Variants in MYO7B observed in about 807,000 individuals in gnomAD.
The protein encoded by MYO7B is myosin VIIB.
In MYO7B, 212 loss-of-function variants were observed where a neutral mutation model predicts 259.7. That is an observed-to-expected ratio of 0.82 (90% CI 0.73 to 0.91). The LOEUF is 0.91. Ranked by LOEUF, MYO7B falls within the 40% of genes least tolerant of loss-of-function variation. The pLI, the probability that MYO7B is intolerant of heterozygous loss-of-function variation, is 0.00. For missense variants in MYO7B, 2,732 were observed against 2,813.5 expected (o/e 0.97, Z 0.66); for synonymous variants, 1,197 against 1,166.4 (o/e 1.03, Z -0.54).
Position 127,635,830 on chromosome 2 carries a change from G to A in MYO7B, c.5929G>A (p.Ala1977Thr), listed in dbSNP as rs1192553238. 2 of 1,585,910 alleles carry A rather than the reference G, an allele frequency of 1.3e-6. No individual in the cohort carries two copies. Among genetic ancestry groups the A allele is most frequent in the East Asian group, 2.3e-5 (1 of 43,070 alleles). The stretch of plus-strand genomic sequence containing the variant: ...GTTCAACAACGACCGGTCCCAGCTG[G>A]CTAGTGTCCCCAAGATCCTGAGGGA... ...AQFNNDRSQLASVPKILRELV... is the reference protein window; with the variant it reads ...AQFNNDRSQLTSVPKILRELV... Residue 1977 changes from alanine (A) to threonine (T), a missense_variant, in exon 44 of 48, where the codon GCT (alanine) becomes ACT (threonine). Coordinates refer to ENST00000409816, the MANE Select transcript of MYO7B (RefSeq NM_001393586.1).
rs550800611 is a variant in MYO7B, at chr2:127,600,791, A to T, written c.2339+4235A>T. Among the ~76,000 whole-genome samples the T allele has an allele frequency of 5.9e-5, 9 of 152,230 alleles. No individual in the cohort carries two copies. In the South Asian group the frequency reaches 1.9e-3, roughly 32 times the overall value. ...GCTTTAGTTTCATTACTTCTTCTCT[A>T]ATTTTTTATTTTTAATTTCCTTAAT... On this transcript the variant is annotated intron_variant, in intron 19 of 47. Coordinates refer to ENST00000409816, the MANE Select transcript of MYO7B (RefSeq NM_001393586.1).
At position 127,609,773 on chromosome 2, in the gene MYO7B, C is replaced by T; in HGVS notation, c.3024+58C>T. Reference sequence around the variant, plus strand: ...GCCAGCCCCGAGCCTGGGGTGTGAGCTATGGCTCGGGGAAAGAAGGAAGGG... The same window carrying T: ...GCCAGCCCCGAGCCTGGGGTGTGAGTTATGGCTCGGGGAAAGAAGGAAGGG... On this transcript the variant is annotated intron_variant, in intron 23 of 47. Coordinates refer to ENST00000409816, the MANE Select transcript of MYO7B (RefSeq NM_001393586.1). The surrounding 1 kb of genome is among the most constrained non-coding windows in gnomAD (Gnocchi z 6.9). The T allele has an allele frequency of 6.2e-7, 1 of 1,611,536 alleles. No individual in the cohort carries two copies. Among genetic ancestry groups the T allele is most frequent in the Non-Finnish European group, 8.5e-7 (1 of 1,177,934 alleles).
chr2:127,569,420 C>T (rs952240211), intron 5 of MYO7B, among the ~76,000 whole-genome samples: 3 of 152,080 alleles, frequency 2.0e-5, no homozygotes, highest in African/African-American at 7.2e-5. Context: ...GTGACCTGGG[C>T]ATCTGCATTC....
chr2:127,588,255 G>A (rs1679378947), intron 14 of MYO7B, 137 bp from the exon 15 acceptor site: 1 of 952,824 alleles, frequency 1.0e-6, no homozygotes, highest in Non-Finnish European at 1.6e-6. Context: ...GAGGGGTGGA[G>A]AGCATGGCCG....
At position 127,597,165 on chromosome 2, in the gene MYO7B, G is replaced by A. The variant is rs1479949073; in HGVS notation, c.2339+609G>A. ...CAGCTGTGCTGCTGGGAAGCCGGAGGCCATCTCAGGGCCAGACCCTGGTGC... is the reference window on the plus strand; with the variant it reads ...CAGCTGTGCTGCTGGGAAGCCGGAGACCATCTCAGGGCCAGACCCTGGTGC... On this transcript the variant is annotated intron_variant, in intron 19 of 47. Coordinates refer to ENST00000409816, the MANE Select transcript of MYO7B (RefSeq NM_001393586.1). This position sits in a 1 kb window ranked among gnomAD's most constrained non-coding sequence, Gnocchi z 4.8. 3.9e-5 allele frequency among the ~76,000 whole-genome samples: 6 copies of A among 152,246 alleles called. No homozygotes were observed. The highest frequency in any genetic ancestry group is 8.8e-5 in the Non-Finnish European group (6 of 68,042).
chr2:127,603,884 A>G (rs1442430393), intron 19 of MYO7B, among the ~76,000 whole-genome samples: 2 of 152,230 alleles, frequency 1.3e-5, no homozygotes, highest in Non-Finnish European at 2.9e-5. Flanking sequence ...CTGTAATCCC[A>G]GCACTTTGGG....
rs1042636859 is a variant in MYO7B at position 127,615,069 on chromosome 2, T to C, written c.3398+2466T>C. ...GGCTCTGTCCTGGAGGAGCTCACCC[T>C]TTAGCTGGGGGGCACGAGAGGACCA... On this transcript the variant is annotated intron_variant, in intron 26 of 47. Transcript: ENST00000409816. This position sits in a 1 kb window ranked among gnomAD's most constrained non-coding sequence, Gnocchi z 4.4. Among the ~76,000 whole-genome samples the C allele has an allele frequency of 6.6e-6, 1 of 152,118 alleles. No individual in the cohort carries two copies. The highest frequency in any genetic ancestry group is 2.4e-5 in the African/African-American group (1 of 41,436).
intron 15 of MYO7B, among the ~76,000 whole-genome samples, chr2:127,589,342 G>A (rs375033071): frequency 4.0e-4 from 60 of 150,386 alleles, no homozygotes; most frequent in African/African-American, 1.5e-3. Flanking sequence ...TGGGTGAGTG[G>A]ATGGATGGAT....
In MYO7B at chr2:127,590,044, AG is replaced by A. The variant is rs1361636632; in HGVS notation, c.1855-46del. On this transcript the variant is annotated intron_variant, in intron 15 of 47. Coordinates refer to ENST00000409816, the MANE Select transcript of MYO7B (RefSeq NM_001393586.1). This position sits in a 1 kb window ranked among gnomAD's most constrained non-coding sequence, Gnocchi z 4.6. ...GCTGGCCTACAGGGTCAGCTGTCCCAGGACATGGCTCCTGAGACCCACTTGT... is the reference window on the plus strand; with the variant it reads ...GCTGGCCTACAGGGTCAGCTGTCCCAGACATGGCTCCTGAGACCCACTTGT... 1 of 1,548,736 alleles carries A rather than the reference AG, an allele frequency of 6.5e-7. No homozygotes were observed. Among genetic ancestry groups the A allele is most frequent in the Admixed American group, 2.0e-5 (1 of 51,132 alleles).
chr2:127,568,531 T>C (rs1297238659), intron 5 of MYO7B, among the ~76,000 whole-genome samples: 1 of 152,212 alleles, frequency 6.6e-6, no homozygotes, highest in Non-Finnish European at 1.5e-5. Context: ...CAGCTATCAC[T>C]GGAGGTTTGT....
intron 1 of MYO7B, among the ~76,000 whole-genome samples, chr2:127,541,575 A>G (rs1488989635): frequency 6.6e-6 from 1 of 152,208 alleles, no homozygotes; most frequent in Non-Finnish European, 1.5e-5. Context: ...TAGAAGCTAA[A>G]TAGGCCGACA....
In MYO7B at chr2:127,592,931, C is replaced by A. The variant is rs756866229; in HGVS notation, c.2130C>A (p.Asn710Lys). ...FSQRFGVLLPNAMRMQLQGKL... is the reference protein window; with the variant it reads ...FSQRFGVLLPKAMRMQLQGKL... ...AGAGGTTCGGCGTGTTGCTGCCCAA[C>A]GCCATGCGGATGCAGGTCAGCGCCC... is the stretch of plus-strand genomic sequence containing the variant. The change falls in exon 17 of 48, where the codon AAC (asparagine) becomes AAA (lysine). Residue 710 changes from asparagine to lysine, a missense_variant. Physicochemically the swap from Asn to Lys is moderately conservative, Grantham distance 94. Coordinates refer to ENST00000409816, the MANE Select transcript of MYO7B (RefSeq NM_001393586.1). 2 of 1,597,118 alleles carry A rather than the reference C, an allele frequency of 1.3e-6. No individual in the cohort carries two copies. The highest frequency in any genetic ancestry group is 8.5e-7 in the Non-Finnish European group (1 of 1,172,844).
In MYO7B at chr2:127,559,286, G is replaced by A. The variant is rs1262242895; in HGVS notation, c.-23-414G>A. ...CATTGAGTCCCATGTCTAAAGTGAG[G>A]GAACACGCACATTCTGCAGTGCTGT... On this transcript the variant is annotated intron_variant, in intron 1 of 47. Transcript: ENST00000409816. This position sits in a 1 kb window ranked among gnomAD's most constrained non-coding sequence, Gnocchi z 4.1. Among the ~76,000 whole-genome samples the A allele has an allele frequency of 6.6e-6, 1 of 152,186 alleles. No homozygotes were observed. Among genetic ancestry groups the A allele is most frequent in the African/African-American group, 2.4e-5 (1 of 41,440 alleles).
rs548208673 is a variant in MYO7B at position 127,637,020 on chromosome 2, A to G, written c.6327+107A>G. On this transcript the variant is annotated intron_variant, in intron 47 of 47. Coordinates refer to ENST00000409816, the MANE Select transcript of MYO7B (RefSeq NM_001393586.1). ...AGTGGCTCACTAAGAGGGCTCAGTCACAGGGCCCAGGCGGGGCCAGCAGAT... is the reference window on the plus strand; with the variant it reads ...AGTGGCTCACTAAGAGGGCTCAGTCGCAGGGCCCAGGCGGGGCCAGCAGAT... The G allele has an allele frequency of 6.7e-5, 102 of 1,529,996 alleles. No individual in the cohort carries two copies. In the East Asian group the frequency reaches 2.4e-3, roughly 36 times the overall value. 94.8% of individuals were successfully genotyped at this position (1,529,996 alleles called of 1,614,324 possible).
intron 26 of MYO7B, among the ~76,000 whole-genome samples, chr2:127,619,080 G>T (rs1269882211): frequency 1.5e-5 from 2 of 132,904 alleles, no homozygotes; most frequent in Admixed American, 7.5e-5. Flanking sequence ...GGGTTGTGGG[G>T]GCTGGTTGGG....
intron 40 of MYO7B, among the ~76,000 whole-genome samples, chr2:127,633,865 T>TC (rs1681649093): frequency 6.6e-6 from 1 of 152,154 alleles, no homozygotes; most frequent in Non-Finnish European, 1.5e-5. Flanking sequence ...TCGCGCCCTC[T>TC]CCAACAGCAC....
chr2:127,636,516 A>G lies in MYO7B; in HGVS notation c.6124-29A>G. The G allele has an allele frequency of 6.3e-7, 1 of 1,591,016 alleles. No homozygotes were observed. Among genetic ancestry groups the G allele is most frequent in the South Asian group, 1.1e-5 (1 of 88,564 alleles). The stretch of plus-strand genomic sequence containing the variant: ...GGTGCAGCCTGGCCTCCCGGGCTGG[A>G]CTATGACCGCCGTGTCCCTCCCTCC... On this transcript the variant is annotated intron_variant, in intron 45 of 47. Coordinates refer to ENST00000409816, the MANE Select transcript of MYO7B (RefSeq NM_001393586.1). This position sits in a 1 kb window ranked among gnomAD's most constrained non-coding sequence, Gnocchi z 4.5.
rs571816329 is a variant in MYO7B at position 127,621,807 on chromosome 2, T to C, written c.3526-175T>C. ...AGACTATGCACCGTTTAAAACGTGT[T>C]GCCAAACTGCTCCTCAGAAACACAC... On this transcript the variant is annotated intron_variant, in intron 27 of 47. Transcript: ENST00000409816. 2.6e-5 allele frequency among the ~76,000 whole-genome samples: 4 copies of C among 152,378 alleles called. No individual in the cohort carries two copies. The East Asian group carries it at 7.7e-4, about 29-fold the overall frequency.
intron 10 of MYO7B, among the ~76,000 whole-genome samples, chr2:127,581,327 A>G (rs1679090431): frequency 6.6e-6 from 1 of 152,174 alleles, no homozygotes; most frequent in Admixed American, 6.5e-5. Context: ...GCAGGCCCTG[A>G]GTGAGGGGCT....
Sources: gnomAD v4.1 joint callset for allele counts (sites outside exome capture counted in the v4.1 genomes callset) on GRCh38, gnomAD v4.1.1 for gene constraint, Gnocchi (gnomAD v3.1) non-coding constraint, MANE v1.5 for transcripts, NCBI Gene and HGNC (gene_info 2026-07-23, HGNC 2026-07-21) for gene names.